The following LMTK2 variants were observed in gnomAD, a reference collection of about 807,000 sequenced individuals.
LMTK2 encodes serine/threonine-protein kinase LMTK2.
In LMTK2, 37 loss-of-function variants were observed where a neutral mutation model predicts 127.5. The ratio of observed to expected loss-of-function variants is 0.29; its 90% confidence interval spans 0.22 to 0.38. The LOEUF is 0.38. LMTK2 is among the 10% of genes least tolerant of loss of function. The pLI, the probability that LMTK2 is intolerant of heterozygous loss-of-function variation, is 1.00. For missense variants in LMTK2, 1,694 were observed against 1,920.3 expected, an observed-to-expected ratio of 0.88 and a Z score of 2.20; for synonymous variants, 819 against 810.1, an observed-to-expected ratio of 1.01 and a Z score of -0.19.
At chr7:98,108,856 CTT>C (rs11345679) in intron 1 of LMTK2, among the ~76,000 whole-genome samples, 146 of 100,766 alleles carry the variant, frequency 1.4e-3, no homozygotes, top group Middle Eastern at 6.9e-3. Context: ...TGCCTGCACA[CTT>C]TTTTTTTTTT....
chr7:98,124,924 C>T lies in LMTK2; in HGVS notation c.104-12391C>T, dbSNP rs868208533. Among the ~76,000 whole-genome samples, 4 of 152,334 alleles carry T rather than the reference C, an allele frequency of 2.6e-5. No homozygotes were observed. The South Asian group carries it at 6.2e-4, about 24-fold the overall frequency. On this transcript the variant is annotated intron_variant, in intron 1 of 13. Coordinates refer to ENST00000297293, the MANE Select transcript of LMTK2 (RefSeq NM_014916.4). ...AAATATTGACTATTTTTATAACCCT[C>T]CTGGTATCAAATCACTGTCATTTCT...
rs61734166 is a variant in LMTK2 at position 98,191,950 on chromosome 7, C to T, written c.1485C>T (p.Asp495=). 467 of 1,614,022 alleles carry T rather than the reference C, an allele frequency of 2.9e-4. 1 individual carries two copies. The African/African-American group carries it at 4.3e-3, about 15-fold the overall frequency. Residue 495 remains aspartate, a synonymous_variant, in exon 11 of 14, where the codon GAC becomes GAT. Coordinates refer to ENST00000297293, the MANE Select transcript of LMTK2 (RefSeq NM_014916.4). ...ACGAGCGCAGCCGGGGCCACCTGGA[C>T]GAAGGCTTGTCCTACACGAGCATCT... The part of the protein sequence containing the change: ...HFDERSRGHL[D]EGLSYTSIFY...
At chr7:98,114,137 A>T (rs10216274) in intron 1 of LMTK2, among the ~76,000 whole-genome samples, 19,246 of 151,666 alleles carry the variant, frequency 0.13, 1,918 homozygotes, top group African/African-American at 0.28. Context: ...TCCTCTGCCC[A>T]CCTGGGCCTT....
intron 11 of LMTK2, among the ~76,000 whole-genome samples, chr7:98,196,671 T>G (rs1038397804): frequency 1.3e-5 from 2 of 152,164 alleles, no homozygotes; most frequent in African/African-American, 4.8e-5. Context: ...TATGGGCCCC[T>G]TGCACAAGTC....
At chr7:98,168,789 G>A (rs919592070) in intron 6 of LMTK2, among the ~76,000 whole-genome samples, 24 of 152,108 alleles carry the variant, frequency 1.6e-4, no homozygotes, top group Admixed American at 1.2e-3. Context: ...TTGGTGTAGC[G>A]CTCTGCTGCC....
At chr7:98,197,705 G>C (rs1797647093) in intron 11 of LMTK2, among the ~76,000 whole-genome samples, 1 of 152,024 alleles carries the variant, frequency 6.6e-6, no homozygotes, top group Non-Finnish European at 1.5e-5. Flanking sequence ...GGCCAGTTGT[G>C]GTGGCCCGCA....
At chr7:98,153,740 C>A (rs1292393820) in intron 4 of LMTK2, among the ~76,000 whole-genome samples, 2 of 152,100 alleles carry the variant, frequency 1.3e-5, no homozygotes, top group East Asian at 3.9e-4. Context: ...ATGGCACACG[C>A]CTGTGGTCCC....
intron 9 of LMTK2, among the ~76,000 whole-genome samples, chr7:98,187,840 G>A (rs567332164): frequency 2.6e-5 from 4 of 151,926 alleles, no homozygotes; most frequent in East Asian, 1.9e-4. Context: ...CAAGTGATCC[G>A]CCTGCCTCGT....
chr7:98,192,520 T>G lies in LMTK2; in HGVS notation c.2055T>G (p.Phe685Leu). The G allele has an allele frequency of 1.9e-6, 3 of 1,610,606 alleles. No homozygotes were observed. The highest frequency in any genetic ancestry group is 2.5e-6 in the Non-Finnish European group (3 of 1,179,232). ...AAGAGTCAGTCATAACAGGCCACTT[T>G]GAGAAAGAAAAGCCCCGTAAGATTT... Reference protein sequence around the residue: ...NPKESVITGHFEKEKPRKIFD... With the variant: ...NPKESVITGHLEKEKPRKIFD... Residue 685 changes from phenylalanine to leucine, a missense_variant, in exon 11 of 14, where the codon TTT becomes TTG. Physicochemically the swap from Phe to Leu is conservative, Grantham distance 22. Around this residue, in one of 8 missense-constraint regions of LMTK2, gnomAD observed 527 missense variants for 539.8 expected, o/e 0.98. Coordinates refer to ENST00000297293, the MANE Select transcript of LMTK2 (RefSeq NM_014916.4).
rs758155796 is a variant in LMTK2, at chr7:98,185,153, A to T, written c.876+18A>T. On this transcript the variant is annotated intron_variant, in intron 8 of 13. Coordinates refer to ENST00000297293, the MANE Select transcript of LMTK2 (RefSeq NM_014916.4). Reference sequence around the variant, plus strand: ...GGTACAAGGTAAGCCAGAGGTTTAAATGTTTTCAGTCTGATTTAATTTGAA... The same window carrying T: ...GGTACAAGGTAAGCCAGAGGTTTAATTGTTTTCAGTCTGATTTAATTTGAA... 6.5e-7 allele frequency: 1 copy of T among 1,532,508 alleles called. No homozygotes were observed. Among genetic ancestry groups the T allele is most frequent in the African/African-American group, 1.4e-5 (1 of 73,396 alleles). 94.9% of individuals were successfully genotyped at this position (1,532,508 alleles called of 1,614,324 possible). A position where few individuals can be genotyped will look rare whatever the true frequency, so the allele number is the denominator to read the frequency against.
chr7:98,191,582 G>T (rs758111541), intron 10 of LMTK2, 32 bp from the exon 11 acceptor site: 6 of 1,509,458 alleles, frequency 4.0e-6, no homozygotes, highest in Non-Finnish European at 5.3e-6. Context: ...ATTCGTGATG[G>T]TTCCACTGAT....
chr7:98,138,284 A>G (rs950490495), intron 2 of LMTK2, among the ~76,000 whole-genome samples: 3 of 152,078 alleles, frequency 2.0e-5, no homozygotes, highest in Non-Finnish European at 2.9e-5. Context: ...AAATTGAGGG[A>G]AAAAAAAGGT....
At chr7:98,151,011 T>C (rs1280781931) in intron 3 of LMTK2, among the ~76,000 whole-genome samples, 1 of 152,208 alleles carries the variant, frequency 6.6e-6, no homozygotes. Flanking sequence ...TATACTTCAG[T>C]AAAACTTTTT....
chr7:98,181,606 A>G (rs9641233), intron 7 of LMTK2, among the ~76,000 whole-genome samples: 8,594 of 152,296 alleles, frequency 0.056, 596 homozygotes, highest in East Asian at 0.33. Context: ...GACCAATGAA[A>G]TAGAAGAGAG....
chr7:98,177,376 G>GAAGAATGTAAAATAACATGTGGAC (rs1797292891), intron 7 of LMTK2, among the ~76,000 whole-genome samples: 1 of 152,186 alleles, frequency 6.6e-6, no homozygotes, highest in East Asian at 1.9e-4. Flanking sequence ...AAATCTTATT[G>GAAGAATGTAAAATAACATGTGGAC]AAGAATGTAA....
chr7:98,137,506 G>A (rs111820444), intron 2 of LMTK2, 64 bp downstream of exon 2: 1 of 1,489,232 alleles, frequency 6.7e-7, no homozygotes, highest in East Asian at 2.3e-5. Context: ...AGAATAACTG[G>A]ATAGCACAGT....
chr7:98,187,080 A>G, intron 9 of LMTK2, 82 bp downstream of exon 9: 1 of 1,295,070 alleles, frequency 7.7e-7, no homozygotes, highest in Non-Finnish European at 1.1e-6. Flanking sequence ...CCTTAAAGGA[A>G]AGTAGTTGTA....
intron 11 of LMTK2, among the ~76,000 whole-genome samples, chr7:98,195,711 C>T (rs1057158158): frequency 2.6e-5 from 4 of 152,150 alleles, no homozygotes; most frequent in African/African-American, 7.2e-5. Context: ...CTCATGGGTC[C>T]GTGGCTATGG....
intron 11 of LMTK2, among the ~76,000 whole-genome samples, chr7:98,199,953 T>C (rs2116478544): frequency 6.6e-6 from 1 of 152,366 alleles, no homozygotes; most frequent in South Asian, 2.1e-4. Context: ...ATGGTATGTT[T>C]AGATCATTTA....
Sources: allele counts gnomAD v4.1 joint callset (sites outside exome capture counted in the v4.1 genomes callset), GRCh38; gene constraint gnomAD v4.1.1; regional missense constraint gnomAD v4.1.1; transcripts MANE v1.5; gene names NCBI Gene and HGNC (gene_info 2026-07-23, HGNC 2026-07-21).